RIT2: variants seen among roughly 807,000 people sequenced by gnomAD.
The protein encoded by RIT2 is Ras like without CAAX 2, also known as GTP-binding protein Rit2.
RIT2 carries 24 observed loss-of-function variants against 23.7 expected under a neutral mutation model. The observed-to-expected ratio is 1.01, with a 90% CI of 0.73 to 1.43. RIT2 has a LOEUF of 1.43. Ranked by LOEUF, RIT2 falls within the 40% of genes most tolerant of loss-of-function variation. The pLI, the probability that RIT2 is intolerant of heterozygous loss-of-function variation, is 0.00. For missense variants in RIT2, 236 were observed against 266.9 expected (o/e 0.88, Z 0.81); for synonymous variants, 107 against 91.1 (o/e 1.17, Z -0.99).
At chr18:43,036,308 G>A (rs1911973784) in intron 1 of RIT2, among the ~76,000 whole-genome samples, 1 of 152,202 alleles carries the variant, frequency 6.6e-6, no homozygotes. Context: ...GGGAGGCCAA[G>A]GCGGGTGGAT....
intron 3 of RIT2, among the ~76,000 whole-genome samples, chr18:42,946,542 A>G (rs17819966): frequency 0.021 from 3,262 of 152,018 alleles, 60 homozygotes; most frequent in South Asian, 0.033. Flanking sequence ...ATTCTGAGAG[A>G]TTTCAAGGGG....
intron 1 of RIT2, among the ~76,000 whole-genome samples, chr18:43,103,600 A>G (rs1467399102): frequency 1.3e-5 from 2 of 152,246 alleles, no homozygotes; most frequent in Non-Finnish European, 2.9e-5. Context: ...AAGATATTAA[A>G]GAGCAAGAAG....
chr18:42,764,904 C>T (rs1567990767), intron 4 of RIT2, among the ~76,000 whole-genome samples: 1 of 152,222 alleles, frequency 6.6e-6, no homozygotes, highest in African/African-American at 2.4e-5. Flanking sequence ...GTAGTGTTTA[C>T]TTGCCAGCTG....
At chr18:43,107,729 A>T (rs1913857723) in intron 1 of RIT2, among the ~76,000 whole-genome samples, 1 of 152,140 alleles carries the variant, frequency 6.6e-6, no homozygotes, top group South Asian at 2.1e-4. Context: ...TGGCACCTCC[A>T]TGCTAAATTG....
intron 4 of RIT2, 54 bp from the exon 5 acceptor site, chr18:42,743,774 T>TA: frequency 7.5e-7 from 1 of 1,329,394 alleles, no homozygotes; most frequent in Non-Finnish European, 1.0e-6. Flanking sequence ...ACTCTTCAAT[T>TA]AAAAATACGT....
intron 2 of RIT2, among the ~76,000 whole-genome samples, chr18:43,004,462 A>G (rs1162232985): frequency 2.0e-5 from 3 of 151,826 alleles, no homozygotes; most frequent in African/African-American, 7.2e-5. Context: ...TAAAAAAGTA[A>G]TTTTCAAAAG....
At chr18:42,797,879 A>G (rs1943177) in intron 4 of RIT2, among the ~76,000 whole-genome samples, 49,479 of 152,050 alleles carry the variant, frequency 0.33, 10,767 homozygotes, top group African/African-American at 0.61. Flanking sequence ...AATATAAGAC[A>G]TACAATGCTT....
At chr18:42,963,773 A>G (rs573401) in intron 3 of RIT2, among the ~76,000 whole-genome samples, 85,419 of 151,940 alleles carry the variant, frequency 0.56, 27,279 homozygotes, top group East Asian at 0.85. Context: ...GCAGGCACCC[A>G]TAATCCCAGC....
In RIT2 at chr18:42,769,199, G is replaced by A. The variant is rs1022720365; in HGVS notation, c.427-25479C>T. On this transcript the variant is annotated intron_variant, in intron 4 of 4. Transcript: ENST00000326695. ...GAGAAAGATATATTCTGATAATATC[G>A]TTAGGGGCTCTGAGTCCACTTATAC... Among the ~76,000 whole-genome samples the A allele has an allele frequency of 1.1e-4, 17 of 152,238 alleles. No homozygotes were observed. In the South Asian group the frequency reaches 1.5e-3, roughly 13 times the overall value.
intron 4 of RIT2, among the ~76,000 whole-genome samples, chr18:42,817,626 T>C (rs1906034992): frequency 6.6e-6 from 1 of 152,092 alleles, no homozygotes; most frequent in South Asian, 2.1e-4. Flanking sequence ...CGCTTATCTT[T>C]AAATGGAGAT....
intron 4 of RIT2, among the ~76,000 whole-genome samples, chr18:42,859,297 A>G (rs73471613): frequency 0.025 from 3,778 of 152,228 alleles, 153 homozygotes; most frequent in African/African-American, 0.084. Context: ...TTCCTCAATG[A>G]CTAATAATGT....
intron 4 of RIT2, among the ~76,000 whole-genome samples, chr18:42,921,728 AC>A (rs1909060167): frequency 1.3e-5 from 2 of 152,160 alleles, no homozygotes; most frequent in South Asian, 2.1e-4. Flanking sequence ...CCTAACTGAA[AC>A]CCTGTCAGAG....
intron 3 of RIT2, among the ~76,000 whole-genome samples, chr18:42,940,236 C>CTATATATATATATATATA (rs5824460): frequency 3.7e-4 from 32 of 86,946 alleles, no homozygotes; most frequent in East Asian, 6.2e-4. Context: ...GAAAGGCTCA[C>CTATATATATATATATATA]TATATATATA....
intron 4 of RIT2, among the ~76,000 whole-genome samples, chr18:42,871,122 T>C (rs1386555668): frequency 6.6e-6 from 1 of 152,238 alleles, no homozygotes; most frequent in Non-Finnish European, 1.5e-5. Context: ...AGTTCATGTT[T>C]GTAAAATATC....
At chr18:43,094,277 A>G (rs942444620) in intron 1 of RIT2, among the ~76,000 whole-genome samples, 1 of 151,922 alleles carries the variant, frequency 6.6e-6, no homozygotes, top group Non-Finnish European at 1.5e-5. Flanking sequence ...TGTAGAAGAT[A>G]GGTATTTGCA....
intron 1 of RIT2, among the ~76,000 whole-genome samples, chr18:43,105,855 G>A (rs189079226): frequency 5.3e-5 from 8 of 152,234 alleles, no homozygotes; most frequent in African/African-American, 1.4e-4. Flanking sequence ...GATTTCCTGG[G>A]TTACCCAAAC....
intron 4 of RIT2, among the ~76,000 whole-genome samples, chr18:42,837,165 T>TC (rs1358253080): frequency 2.1e-5 from 2 of 97,476 alleles, no homozygotes; most frequent in East Asian, 2.7e-4. Flanking sequence ...TTTTTTTTTT[T>TC]TTTTTTTTTT....
At chr18:42,838,031 C>G (rs1906665349) in intron 4 of RIT2, among the ~76,000 whole-genome samples, 1 of 152,164 alleles carries the variant, frequency 6.6e-6, no homozygotes, top group Admixed American at 6.5e-5. Context: ...CTGACCAGCT[C>G]AACACTGATT....
chr18:42,989,006 G>A (rs1235798901), intron 2 of RIT2, among the ~76,000 whole-genome samples: 1 of 152,094 alleles, frequency 6.6e-6, no homozygotes, highest in African/African-American at 2.4e-5. Context: ...TGTTCCCCAA[G>A]CTTGCTGAAT....
Sources: allele counts gnomAD v4.1 joint callset (sites outside exome capture counted in the v4.1 genomes callset), GRCh38; gene constraint gnomAD v4.1.1; transcripts MANE v1.5; gene names NCBI Gene and HGNC (gene_info 2026-07-23, HGNC 2026-07-21).